AFAP1L1: variants seen among roughly 807,000 people sequenced by gnomAD.
AFAP1L1 encodes actin filament-associated protein 1-like 1.
AFAP1L1 carries 77 observed loss-of-function variants against 99.8 expected under a neutral mutation model. The ratio of observed to expected loss-of-function variants is 0.77; its 90% confidence interval spans 0.64 to 0.93. The LOEUF is 0.93. Ranked by LOEUF, AFAP1L1 falls within the 40% of genes least tolerant of loss-of-function variation. The pLI is 0.00. For synonymous variants in AFAP1L1, 373 were observed against 395.3 expected (o/e 0.94, Z 0.67); for missense variants, 893 against 996.8 (o/e 0.90, Z 1.40).
At chr5:149,278,876 T>C (rs185409280) in intron 1 of AFAP1L1, among the ~76,000 whole-genome samples, 1 of 152,302 alleles carries the variant, frequency 6.6e-6, no homozygotes, top group East Asian at 1.9e-4. Context: ...CTCAGCCCTC[T>C]TGCTACACTC....
In AFAP1L1 at chr5:149,319,600, A is replaced by G. The variant is rs746741946; in HGVS notation, c.1498A>G (p.Met500Val). Residue 500 changes from methionine to valine, a missense_variant, in exon 13 of 19, where the codon ATG (methionine) becomes GTG (valine). Met to Val is a conservative substitution (Grantham distance 21, BLOSUM62 1). Coordinates refer to ENST00000296721, the MANE Select transcript of AFAP1L1 (RefSeq NM_152406.4). ...CCTTCAGGCAAGCTGTTCAGAGGAC[A>G]TGGGTCGCTGGCTCGGGCTGCTGCT... ...AILEASCSED[M>V]GRWLGLLLVE... The G allele has an allele frequency of 1.9e-6, 3 of 1,612,440 alleles. No individual in the cohort carries two copies. The highest frequency in any genetic ancestry group is 4.5e-5 in the East Asian group (2 of 44,880).
chr5:149,273,199 C>T (rs974090019), intron 1 of AFAP1L1, among the ~76,000 whole-genome samples: 1 of 149,374 alleles, frequency 6.7e-6, no homozygotes, highest in African/African-American at 2.5e-5. Flanking sequence ...CTAGTGAGTG[C>T]TGTGCCAACA....
At chr5:149,278,730 T>C (rs1159481134) in intron 1 of AFAP1L1, among the ~76,000 whole-genome samples, 1 of 152,230 alleles carries the variant, frequency 6.6e-6, no homozygotes, top group Non-Finnish European at 1.5e-5. Context: ...TCCCAGTGCC[T>C]GGCCCATAGT....
chr5:149,327,283 C>T (rs1757123688), intron 15 of AFAP1L1, among the ~76,000 whole-genome samples: 1 of 136,264 alleles, frequency 7.3e-6, no homozygotes, highest in Non-Finnish European at 1.6e-5. Flanking sequence ...TAGTCTCTAT[C>T]AATATATTAT....
chr5:149,322,293 T>A (rs1202399214), intron 14 of AFAP1L1, among the ~76,000 whole-genome samples: 1 of 152,204 alleles, frequency 6.6e-6, no homozygotes, highest in African/African-American at 2.4e-5. Flanking sequence ...CTTCCAAATG[T>A]TCTAAAGACA....
chr5:149,339,178 CTTT>C (rs35468603), intron 18 of AFAP1L1, among the ~76,000 whole-genome samples: 1 of 126,128 alleles, frequency 7.9e-6, no homozygotes, highest in African/African-American at 3.2e-5. Context: ...CCCAATAAAG[CTTT>C]TTTTTTTTTT....
chr5:149,286,446 C>A (rs562263896), intron 1 of AFAP1L1, among the ~76,000 whole-genome samples: 20 of 152,280 alleles, frequency 1.3e-4, no homozygotes, highest in Non-Finnish European at 2.8e-4. Context: ...TTTTTAAACT[C>A]TATTGAATAG....
At chr5:149,306,251 C>A in intron 5 of AFAP1L1, 55 bp from the exon 6 acceptor site, 2 of 1,482,452 alleles carry the variant, frequency 1.3e-6, no homozygotes, top group South Asian at 1.2e-5. Context: ...CCAGTCCTGG[C>A]CCCTGGAGTC....
At chr5:149,325,606 C>T (rs557347641) in intron 15 of AFAP1L1, among the ~76,000 whole-genome samples, 15 of 152,328 alleles carry the variant, frequency 9.8e-5, no homozygotes, top group African/African-American at 3.6e-4. Flanking sequence ...AGGTTACTGC[C>T]CCCACCCAGC....
chr5:149,306,516 T>C, intron 6 of AFAP1L1, 112 bp downstream of exon 6: 1 of 998,470 alleles, frequency 1.0e-6, no homozygotes, highest in Non-Finnish European at 1.5e-6. Context: ...ACCCAGACCA[T>C]GGTCACTAGA....
chr5:149,326,687 A>G (rs1304057064), intron 15 of AFAP1L1, among the ~76,000 whole-genome samples: 2 of 152,138 alleles, frequency 1.3e-5, no homozygotes, highest in African/African-American at 4.8e-5. Context: ...ATTTAATTGG[A>G]TCAGGCTGTG....
chr5:149,329,578 G>A (rs1757192034), intron 15 of AFAP1L1, 88 bp from the exon 16 acceptor site: 1 of 1,307,490 alleles, frequency 7.6e-7, no homozygotes. Context: ...AGATGGAGAA[G>A]TTGGGGCTGA....
At chr5:149,282,052 C>T (rs935208378) in intron 1 of AFAP1L1, among the ~76,000 whole-genome samples, 19 of 152,262 alleles carry the variant, frequency 1.2e-4, no homozygotes, top group Admixed American at 6.5e-4. Context: ...AGGGCCCGGC[C>T]GGGGTCTATC....
In AFAP1L1 at chr5:149,319,740, T is replaced by C; in HGVS notation, c.1625+13T>C. 1.2e-6 allele frequency: 2 copies of C among 1,610,660 alleles called. No homozygotes were observed. The highest frequency in any genetic ancestry group is 1.7e-6 in the Non-Finnish European group (2 of 1,179,508). ...GCAACTCCTTCCTGTAAGTGTCAGCTGCACTGGCCACACCTGCCCAGGACC... is the reference window on the plus strand; with the variant it reads ...GCAACTCCTTCCTGTAAGTGTCAGCCGCACTGGCCACACCTGCCCAGGACC... On this transcript the variant is annotated intron_variant, in intron 13 of 18. Coordinates refer to ENST00000296721, the MANE Select transcript of AFAP1L1 (RefSeq NM_152406.4).
chr5:149,299,273 G>A (rs1561667243), intron 1 of AFAP1L1, among the ~76,000 whole-genome samples: 1 of 152,186 alleles, frequency 6.6e-6, no homozygotes, highest in Non-Finnish European at 1.5e-5. Context: ...TTGGGCCAAG[G>A]CCATCTGAGG....
At chr5:149,278,667 A>G (rs1485749622) in intron 1 of AFAP1L1, among the ~76,000 whole-genome samples, 4 of 152,246 alleles carry the variant, frequency 2.6e-5, no homozygotes, top group African/African-American at 4.8e-5. Flanking sequence ...TTGTAAAGCA[A>G]GAAGAATGAC....
At position 149,315,754 on chromosome 5, in the gene AFAP1L1, A is replaced by G. The variant is rs1185355704; in HGVS notation, c.1021-67A>G. 7 of 1,389,190 alleles carry G rather than the reference A, an allele frequency of 5.0e-6. No individual in the cohort carries two copies. In the East Asian group the frequency reaches 1.4e-4, roughly 28 times the overall value. 86.1% of individuals were successfully genotyped at this position (1,389,190 alleles called of 1,614,324 possible). On this transcript the variant is annotated intron_variant, in intron 9 of 18. Coordinates refer to ENST00000296721, the MANE Select transcript of AFAP1L1 (RefSeq NM_152406.4). Reference sequence around the variant, plus strand: ...GGGGGAGTTGGAGGGAGATTGAACCAATAAAGGGAAATTTGGGTACTTCTG... The same window carrying G: ...GGGGGAGTTGGAGGGAGATTGAACCGATAAAGGGAAATTTGGGTACTTCTG...
At chr5:149,325,840 G>C (rs1174037982) in intron 15 of AFAP1L1, among the ~76,000 whole-genome samples, 1 of 152,140 alleles carries the variant, frequency 6.6e-6, no homozygotes, top group South Asian at 2.1e-4. Context: ...GGCAAAAGGG[G>C]GTTGAATTTG....
chr5:149,294,894 G>A (rs1391356177), intron 1 of AFAP1L1, among the ~76,000 whole-genome samples: 1 of 152,202 alleles, frequency 6.6e-6, no homozygotes, highest in Admixed American at 6.5e-5. Context: ...ATTCAGATGT[G>A]GGGTCAGACA....
Sources: allele counts gnomAD v4.1 joint callset (sites outside exome capture counted in the v4.1 genomes callset), GRCh38; gene constraint gnomAD v4.1.1; transcripts MANE v1.5; gene names NCBI Gene and HGNC (gene_info 2026-07-23, HGNC 2026-07-21).